The following C2orf76 variants were observed in gnomAD, a reference collection of about 807,000 sequenced individuals.
C2orf76 encodes chromosome 2 open reading frame 76.
Under a neutral mutation model 16.9 loss-of-function variants are expected in C2orf76, and 23 were observed. That is an observed-to-expected ratio of 1.36 (90% confidence interval 0.98 to 1.93). The LOEUF is 1.93. C2orf76 is among the 30% of genes most tolerant of loss of function. The pLI is 0.00. For missense variants in C2orf76, 152 were observed against 152.6 expected, an observed-to-expected ratio of 1.00 and a Z score of 0.02; for synonymous variants, 48 against 52.3, an observed-to-expected ratio of 0.92 and a Z score of 0.35.
At chr2:119,348,987 C>CA (rs1215836211) in intron 1 of C2orf76, among the ~76,000 whole-genome samples, 4 of 151,998 alleles carry the variant, frequency 2.6e-5, no homozygotes, top group Admixed American at 6.6e-5. Context: ...ACCCTGGTCT[C>CA]AAAAAAACAA....
At chr2:119,306,135 T>C (rs1259430756) in intron 5 of C2orf76, among the ~76,000 whole-genome samples, 2 of 152,052 alleles carry the variant, frequency 1.3e-5, no homozygotes, top group Non-Finnish European at 2.9e-5. Context: ...ACTGTTTCTA[T>C]GTAAGAGTGA....
At chr2:119,341,092 T>G (rs1188025226) in intron 1 of C2orf76, among the ~76,000 whole-genome samples, 1 of 152,142 alleles carries the variant, frequency 6.6e-6, no homozygotes, top group Non-Finnish European at 1.5e-5. Context: ...TACATAATTT[T>G]ACACTCTAAT....
chr2:119,299,006 C>T (rs1041219181), downstream of C2orf76, among the ~76,000 whole-genome samples: 1 of 152,268 alleles, frequency 6.6e-6, no homozygotes, highest in East Asian at 1.9e-4. Flanking sequence ...GCCTTGACCT[C>T]CTGGACCCAA....
intron 5 of C2orf76, chr2:119,311,362 C>T (rs946494571): frequency 1.6e-5 from 16 of 985,274 alleles, no homozygotes; most frequent in Non-Finnish European, 1.9e-5. Context: ...CTTAAAATGA[C>T]CCTCAGGAGA....
chr2:119,322,634 G>C (rs1679381483), intron 2 of C2orf76, among the ~76,000 whole-genome samples: 2 of 152,046 alleles, frequency 1.3e-5, no homozygotes, highest in African/African-American at 4.8e-5. Flanking sequence ...CCTTCAATTA[G>C]GTACTCGTTA....
chr2:119,324,782 G>A (rs1012166186), intron 2 of C2orf76, among the ~76,000 whole-genome samples: 5 of 152,076 alleles, frequency 3.3e-5, no homozygotes, highest in African/African-American at 7.2e-5. Flanking sequence ...TTCCACAGTG[G>A]CAGAAAGACA....
At chr2:119,358,105 CAGG>C (rs1259342025) in intron 1 of C2orf76, among the ~76,000 whole-genome samples, 1 of 152,096 alleles carries the variant, frequency 6.6e-6, no homozygotes, top group Non-Finnish European at 1.5e-5. Flanking sequence ...TTTTAAGTGA[CAGG>C]AGGAGTTGTT....
At position 119,358,856 on chromosome 2, in the gene C2orf76, G is replaced by A. The variant is rs1041476577; in HGVS notation, c.-13+7934C>T. 7.9e-5 allele frequency among the ~76,000 whole-genome samples: 12 copies of A among 152,174 alleles called. 1 individual carries two copies. The highest frequency in any genetic ancestry group is 2.4e-4 in the African/African-American group (10 of 41,424). On this transcript the variant is annotated intron_variant, in intron 1 of 5. Coordinates refer to ENST00000334816, the MANE Select transcript of C2orf76 (RefSeq NM_001322331.2). ...TGAAGCCTCAGGTGCTGATGTAGAA[G>A]CTGCACCAAGTTATCCTGAAGATCT...
intron 5 of C2orf76, chr2:119,311,308 T>C (rs916607953): frequency 3.0e-6 from 3 of 985,438 alleles, no homozygotes; most frequent in Non-Finnish European, 3.6e-6. Context: ...TCGGCTCAAG[T>C]GACAATGATA....
At chr2:119,338,471 A>C (rs925654515) in intron 2 of C2orf76, among the ~76,000 whole-genome samples, 1 of 152,136 alleles carries the variant, frequency 6.6e-6, no homozygotes, top group African/African-American at 2.4e-5. Flanking sequence ...TTGTCTTGTC[A>C]CTTCTCTAAA....
At chr2:119,315,549 T>C (rs1679142973) in intron 4 of C2orf76, among the ~76,000 whole-genome samples, 1 of 152,162 alleles carries the variant, frequency 6.6e-6, no homozygotes, top group South Asian at 2.1e-4. Flanking sequence ...AAGGCACAAA[T>C]GAGGACATGT....
intron 5 of C2orf76, among the ~76,000 whole-genome samples, chr2:119,309,261 CTCAT>C (rs1678899017): frequency 6.6e-6 from 1 of 152,074 alleles, no homozygotes; most frequent in Admixed American, 6.5e-5. Context: ...CTAATAAGTA[CTCAT>C]TCTCTCCTAA....
intron 4 of C2orf76, among the ~76,000 whole-genome samples, chr2:119,312,434 G>T (rs1417831973): frequency 6.6e-6 from 1 of 151,984 alleles, no homozygotes; most frequent in Non-Finnish European, 1.5e-5. Context: ...ATTTTTAGTA[G>T]AGACGGGGTC....
chr2:119,331,831 G>A (rs913416392), intron 2 of C2orf76, among the ~76,000 whole-genome samples: 1 of 152,210 alleles, frequency 6.6e-6, no homozygotes, highest in Non-Finnish European at 1.5e-5. Context: ...AAAAGTTTAT[G>A]ACGTATCTAT....
intron 1 of C2orf76, among the ~76,000 whole-genome samples, chr2:119,340,913 TAAA>T (rs59470520): frequency 1.4e-5 from 2 of 143,612 alleles, no homozygotes; most frequent in Admixed American, 6.9e-5. Context: ...AGCAAACAGT[TAAA>T]AAAAAAAAAA....
chr2:119,292,454 C>T, the C2orf76 span, among the ~76,000 whole-genome samples: 1 of 152,156 alleles, frequency 6.6e-6, no homozygotes. Flanking sequence ...AAAGAACTGT[C>T]AGCCGCATGA....
intron 1 of C2orf76, among the ~76,000 whole-genome samples, chr2:119,347,311 TAAAG>T (rs1239598828): frequency 6.6e-6 from 1 of 151,926 alleles, no homozygotes; most frequent in Non-Finnish European, 1.5e-5. Flanking sequence ...GCATGAGAAA[TAAAG>T]AAAAGAGAGG....
chr2:119,333,086 C>T (rs1166763721), intron 2 of C2orf76, among the ~76,000 whole-genome samples: 1 of 152,172 alleles, frequency 6.6e-6, no homozygotes, highest in African/African-American at 2.4e-5. Context: ...GAATGCGCAG[C>T]ACATCCTGTA....
At chr2:119,311,323 T>G (rs1046282182) in intron 5 of C2orf76, 1 of 985,308 alleles carries the variant, frequency 1.0e-6, no homozygotes, top group African/African-American at 1.7e-5. Flanking sequence ...ATGATAAGAG[T>G]AAGTAGACGT....
Sources: allele counts gnomAD v4.1 joint callset (sites outside exome capture counted in the v4.1 genomes callset), GRCh38; gene constraint gnomAD v4.1.1; transcripts MANE v1.5; gene names NCBI Gene and HGNC (gene_info 2026-07-23, HGNC 2026-07-21).